The following TMTC2 variants were observed in gnomAD, a reference collection of about 807,000 sequenced individuals.
The protein encoded by TMTC2 is transmembrane O-mannosyltransferase targeting cadherins 2, also known as protein O-mannosyl-transferase TMTC2.
TMTC2 carries 43 observed loss-of-function variants against 82.4 expected under a neutral mutation model. That is an observed-to-expected ratio of 0.52 (90% CI 0.41 to 0.67). The LOEUF (loss-of-function observed/expected upper bound fraction) is 0.67. Among genes scored for constraint, TMTC2 ranks in the 30% least tolerant of loss-of-function variants. The pLI is 0.00. For synonymous variants in TMTC2, 408 were observed against 381.9 expected (o/e 1.07, Z -0.80); for missense variants, 919 against 1,012.4 (o/e 0.91, Z 1.25).
chr12:82,704,070 A>AT (rs1297493353), intron 1 of TMTC2, among the ~76,000 whole-genome samples: 1 of 152,120 alleles, frequency 6.6e-6, no homozygotes, highest in Non-Finnish European at 1.5e-5. Context: ...CTGATAATTT[A>AT]TTTTTTTATG....
chr12:82,945,660 C>T (rs1876954081), intron 4 of TMTC2, among the ~76,000 whole-genome samples: 1 of 152,118 alleles, frequency 6.6e-6, no homozygotes, highest in Admixed American at 6.5e-5. Flanking sequence ...AAAAAAGTTT[C>T]TTATTTCTCT....
At chr12:83,098,324 T>C (rs1224054857) in intron 11 of TMTC2, among the ~76,000 whole-genome samples, 1 of 152,234 alleles carries the variant, frequency 6.6e-6, no homozygotes, top group Non-Finnish European at 1.5e-5. Flanking sequence ...CTTCCTTCAC[T>C]GTCAATCAGC....
At chr12:82,698,890 T>A (rs1310017035) in intron 1 of TMTC2, among the ~76,000 whole-genome samples, 1 of 152,086 alleles carries the variant, frequency 6.6e-6, no homozygotes, top group Non-Finnish European at 1.5e-5. Context: ...TTGGATTCGC[T>A]GGACCAAAGG....
intron 11 of TMTC2, among the ~76,000 whole-genome samples, chr12:83,085,466 C>A (rs1439542552): frequency 6.6e-6 from 1 of 152,028 alleles, no homozygotes; most frequent in Non-Finnish European, 1.5e-5. Flanking sequence ...TTTTTGAAAC[C>A]CAGCTTATAA....
intron 2 of TMTC2, among the ~76,000 whole-genome samples, chr12:82,858,153 TGTGGCCAATTAA>T (rs775803175): frequency 2.2e-4 from 34 of 152,322 alleles, no homozygotes; most frequent in Non-Finnish European, 3.5e-4. Context: ...AGTTTCTCCC[TGTGGCCAATTAA>T]GACCTTTGCC....
chr12:82,700,966 A>G (rs985210711), intron 1 of TMTC2, among the ~76,000 whole-genome samples: 1 of 152,110 alleles, frequency 6.6e-6, no homozygotes, highest in Admixed American at 6.6e-5. Flanking sequence ...TACCCTTTAT[A>G]AAACCATCAG....
At chr12:82,997,356 A>ATATATGTGTATATATATATATGTG in intron 8 of TMTC2, among the ~76,000 whole-genome samples, 1 of 33,362 alleles carries the variant, frequency 3.0e-5, no homozygotes, top group African/African-American at 8.4e-5. Context: ...GTGTATATAT[A>ATATATGTGTATATATATATATGTG]TATATATATG....
intron 4 of TMTC2, among the ~76,000 whole-genome samples, chr12:82,961,247 A>G (rs1877916359): frequency 2.3e-5 from 1 of 43,380 alleles, no homozygotes; most frequent in Non-Finnish European, 7.5e-5. Context: ...CTATTGTAAC[A>G]TGAAGGATTT....
intron 1 of TMTC2, among the ~76,000 whole-genome samples, chr12:82,721,293 G>T (rs1044063697): frequency 2.0e-5 from 3 of 152,162 alleles, no homozygotes; most frequent in African/African-American, 7.2e-5. Context: ...ATGCTACCTG[G>T]TTAGGGACGA....
At chr12:83,034,950 C>T (rs1031034261) in intron 9 of TMTC2, among the ~76,000 whole-genome samples, 1 of 152,198 alleles carries the variant, frequency 6.6e-6, no homozygotes, top group African/African-American at 2.4e-5. Flanking sequence ...GTTATGCCAA[C>T]AGATTGAATG....
In TMTC2 at chr12:82,687,343, C is replaced by T; in HGVS notation, c.-244C>T. On this transcript the variant is annotated 5_prime_UTR_variant, in exon 1 of 12. Coordinates refer to ENST00000321196, the MANE Select transcript of TMTC2 (RefSeq NM_152588.3). ...CCAAACGCCGCTCACCGCTTGCGGG[C>T]GCCGGGCATGGGGAGTGTGGTGTGA... 1.8e-6 allele frequency: 1 copy of T among 549,120 alleles called. No individual in the cohort carries two copies. The highest frequency in any genetic ancestry group is 3.3e-6 in the Non-Finnish European group (1 of 306,094). 34.0% of individuals were successfully genotyped at this position (549,120 alleles called of 1,614,324 possible). A position where few individuals can be genotyped will look rare whatever the true frequency, so the allele number is the denominator to read the frequency against.
At chr12:82,844,675 G>T (rs886416606) in intron 1 of TMTC2, among the ~76,000 whole-genome samples, 6 of 151,948 alleles carry the variant, frequency 3.9e-5, no homozygotes, top group Non-Finnish European at 8.8e-5. Context: ...GGTGGCGGGC[G>T]CCTGTAGTCC....
intron 1 of TMTC2, among the ~76,000 whole-genome samples, chr12:82,705,464 C>G (rs1002219476): frequency 3.3e-5 from 5 of 152,102 alleles, no homozygotes; most frequent in Admixed American, 6.5e-5. Context: ...CCAGAAATGG[C>G]CATTGTTACC....
intron 11 of TMTC2, among the ~76,000 whole-genome samples, chr12:83,078,805 A>T (rs896952347): frequency 1.6e-4 from 24 of 152,154 alleles, no homozygotes; most frequent in African/African-American, 5.8e-4. Context: ...TGACTCTGAG[A>T]TGCTGCTTTA....
At chr12:82,708,369 T>C (rs1385678317) in intron 1 of TMTC2, among the ~76,000 whole-genome samples, 1 of 152,194 alleles carries the variant, frequency 6.6e-6, no homozygotes, top group East Asian at 1.9e-4. Context: ...CTTAGAGATG[T>C]AAAATTTTAC....
chr12:82,735,134 G>A (rs1007600016), intron 1 of TMTC2, among the ~76,000 whole-genome samples: 12 of 152,122 alleles, frequency 7.9e-5, no homozygotes, highest in African/African-American at 2.9e-4. Flanking sequence ...ATTTCAGGAT[G>A]TGCCCCTCAA....
intron 1 of TMTC2, among the ~76,000 whole-genome samples, chr12:82,821,200 G>T (rs1288154055): frequency 1.3e-5 from 2 of 152,082 alleles, no homozygotes. Context: ...ATATCACCTC[G>T]TTTGTTTTGA....
chr12:82,750,589 C>G (rs1328578514), intron 1 of TMTC2, among the ~76,000 whole-genome samples: 4 of 152,080 alleles, frequency 2.6e-5, no homozygotes. Context: ...TATGAACTGG[C>G]TTATTTAATT....
intron 11 of TMTC2, among the ~76,000 whole-genome samples, chr12:83,081,428 A>G (rs1246419002): frequency 6.6e-6 from 1 of 152,204 alleles, no homozygotes; most frequent in Non-Finnish European, 1.5e-5. Flanking sequence ...TGGAAGCCAG[A>G]TACTTTCAAT....
Sources: allele counts gnomAD v4.1 joint callset (sites outside exome capture counted in the v4.1 genomes callset), GRCh38; gene constraint gnomAD v4.1.1; transcripts MANE v1.5; gene names NCBI Gene and HGNC (gene_info 2026-07-23, HGNC 2026-07-21).